The following PCYT1A variants were observed in gnomAD, a reference collection of about 807,000 sequenced individuals.
PCYT1A encodes the protein choline-phosphate cytidylyltransferase A.
PCYT1A carries 25 observed loss-of-function variants against 43.7 expected under a neutral mutation model. That is an observed-to-expected ratio of 0.57 (90% CI 0.42 to 0.80). PCYT1A has a LOEUF of 0.80. PCYT1A is among the 30% of genes least tolerant of loss of function. PCYT1A has a pLI of 0.00. For synonymous variants in PCYT1A, 172 were observed against 170.7 expected (o/e 1.01, Z -0.06); for missense variants, 421 against 474.2 (o/e 0.89, Z 1.04).
chr3:196,263,506 T>C (rs954131484), intron 2 of PCYT1A, among the ~76,000 whole-genome samples: 4 of 152,196 alleles, frequency 2.6e-5, no homozygotes, highest in Non-Finnish European at 5.9e-5. Context: ...CATGAGCCAC[T>C]GTGCTTGGCC....
chr3:196,239,351 A>G (rs1724281112), intron 8 of PCYT1A, among the ~76,000 whole-genome samples, 196 bp downstream of exon 8: 1 of 152,238 alleles, frequency 6.6e-6, no homozygotes, highest in African/African-American at 2.4e-5. Flanking sequence ...AGCTGGCAAA[A>G]TTATCTAGGA....
In PCYT1A at chr3:196,236,857, G is replaced by A. The variant is rs1242776092; in HGVS notation, c.*1831C>T. On this transcript the variant is annotated 3_prime_UTR_variant, in exon 9 of 9. Transcript: ENST00000431016. ...AATTTTTGTATTTTTAGTAGAGATGGGGTTTCACCACGTTGGTCAGGCTGG... is the reference window on the plus strand; with the variant it reads ...AATTTTTGTATTTTTAGTAGAGATGAGGTTTCACCACGTTGGTCAGGCTGG... The A allele has an allele frequency of 6.6e-6, 1 of 152,108 alleles. No homozygotes were observed. 9.4% of individuals were successfully genotyped at this position (152,108 alleles called of 1,614,324 possible).
At chr3:196,280,934 C>T (rs1381632620) in intron 1 of PCYT1A, among the ~76,000 whole-genome samples, 1 of 152,206 alleles carries the variant, frequency 6.6e-6, no homozygotes, top group African/African-American at 2.4e-5. Flanking sequence ...GTTGCAATTA[C>T]ATATGCTATT....
At chr3:196,241,918 A>AGGGAACTCTGGGGTAAGGC (rs1724370381) in intron 7 of PCYT1A, 30 bp downstream of exon 7, 1 of 1,610,606 alleles carries the variant, frequency 6.2e-7, no homozygotes, top group Non-Finnish European at 8.5e-7. Context: ...CTACAGAGTC[A>AGGGAACTCTGGGGTAAGGC]GGGAACTCTG....
chr3:196,269,254 A>G (rs562955174), intron 2 of PCYT1A, among the ~76,000 whole-genome samples: 4 of 152,342 alleles, frequency 2.6e-5, no homozygotes, highest in African/African-American at 9.6e-5. Flanking sequence ...GCACTTGTCT[A>G]TTTGTAGGGT....
At chr3:196,255,908 A>G (rs942932759) in intron 3 of PCYT1A, among the ~76,000 whole-genome samples, 1 of 152,174 alleles carries the variant, frequency 6.6e-6, no homozygotes, top group African/African-American at 2.4e-5. Context: ...CTGAATGTGA[A>G]CCCTGAACTA....
chr3:196,285,413 C>G (rs1456330533), intron 1 of PCYT1A, among the ~76,000 whole-genome samples: 3 of 152,012 alleles, frequency 2.0e-5, no homozygotes, highest in Admixed American at 6.6e-5. Context: ...GAGCTGGGAT[C>G]GTGCCAGCAC....
chr3:196,236,104 C>G lies in PCYT1A; in HGVS notation c.*2584G>C, dbSNP rs959388658. 1 of 152,182 alleles carries G rather than the reference C, an allele frequency of 6.6e-6. No homozygotes were observed. The highest frequency in any genetic ancestry group is 2.4e-5 in the African/African-American group (1 of 41,414). 9.4% of individuals were successfully genotyped at this position (152,182 alleles called of 1,614,324 possible). A position where few individuals can be genotyped will look rare whatever the true frequency, so the allele number is the denominator to read the frequency against. On this transcript the variant is annotated 3_prime_UTR_variant, in exon 9 of 9. Coordinates refer to ENST00000431016, the MANE Select transcript of PCYT1A (RefSeq NM_001312673.2). The stretch of plus-strand genomic sequence containing the variant: ...CTCAGAGGCCTGTCAGCCTGCAGGT[C>G]CCGTTCCAAGCACAGGGCATGCCAA...
chr3:196,248,310 C>G lies in PCYT1A; in HGVS notation c.231G>C (p.Val77=), dbSNP rs1724633945. The G allele has an allele frequency of 1.2e-6, 2 of 1,602,748 alleles. No homozygotes were observed. Among genetic ancestry groups the G allele is most frequent in the African/African-American group, 2.7e-5 (2 of 74,804 alleles). ...ASRGTPCERP[V]RVYADGIFDL... is the part of the protein sequence containing the mutation. ...CAAATATTCCATCGGCATAAACTCT[C>G]ACAGGTCGCTCACCTAAATCCAAAT... Residue 77 remains valine (V), a synonymous_variant, in exon 4 of 9, where the codon GTG becomes GTC. Transcript: ENST00000431016.
rs565970744 is a variant in PCYT1A at position 196,248,871 on chromosome 3, C to A, written c.218-548G>T. On this transcript the variant is annotated intron_variant, in intron 3 of 8. Coordinates refer to ENST00000431016, the MANE Select transcript of PCYT1A (RefSeq NM_001312673.2). ...TCCCGGATTCAAGCGACTCTCCTGC[C>A]TCCGCCTCCTGAGTAGCTGGAACTA... Among the ~76,000 whole-genome samples, 11 of 152,198 alleles carry A rather than the reference C, an allele frequency of 7.2e-5. No individual in the cohort carries two copies. In the South Asian group the frequency reaches 1.2e-3, roughly 17 times the overall value.
chr3:196,244,498 AC>A (rs1167919821), intron 5 of PCYT1A, among the ~76,000 whole-genome samples: 44 of 141,378 alleles, frequency 3.1e-4, no homozygotes, highest in African/African-American at 1.1e-3. Flanking sequence ...CCCGGCAGCC[AC>A]CCCGTCCGGG....
At chr3:196,254,105 C>T (rs960024549) in intron 3 of PCYT1A, among the ~76,000 whole-genome samples, 4 of 150,796 alleles carry the variant, frequency 2.7e-5, no homozygotes, top group African/African-American at 7.3e-5. Context: ...AGGCTCACTG[C>T]AACCTCTGCC....
At position 196,247,175 on chromosome 3, in the gene PCYT1A, G is replaced by GCAAA. The variant is rs1287130526; in HGVS notation, c.486+188_486+191dup. ...GAATAGAATGGATGTAAAAGTGCTT[G>GCAAA]CAAACCATCCAGCCCCATATAAACG... On this transcript the variant is annotated intron_variant, in intron 5 of 8. Coordinates refer to ENST00000431016, the MANE Select transcript of PCYT1A (RefSeq NM_001312673.2). The surrounding 1 kb of genome is among the most constrained non-coding windows in gnomAD (Gnocchi z 4.8). 2.0e-4 allele frequency among the ~76,000 whole-genome samples: 31 copies of GCAAA among 152,228 alleles called. No individual in the cohort carries two copies. Among genetic ancestry groups the GCAAA allele is most frequent in the Non-Finnish European group, 4.4e-5 (3 of 68,040 alleles).
intron 1 of PCYT1A, among the ~76,000 whole-genome samples, chr3:196,272,377 G>C (rs899146292): frequency 6.6e-6 from 1 of 152,120 alleles, no homozygotes; most frequent in African/African-American, 2.4e-5. Context: ...GTAGAGACAG[G>C]GTTTCCCTAT....
At chr3:196,244,399 G>C (rs1275091159) in intron 5 of PCYT1A, among the ~76,000 whole-genome samples, 3 of 150,256 alleles carry the variant, frequency 2.0e-5, no homozygotes, top group Non-Finnish European at 4.4e-5. Flanking sequence ...TGAGATGTGG[G>C]GAGCGCCACT....
Position 196,252,140 on chromosome 3 carries a change from T to TGGCTACAGC in PCYT1A, c.218-3818_218-3817insGCTGTAGCC. The stretch of plus-strand genomic sequence containing the variant: ...CCCCGCCACGCCCCACTGGCTACAG[T>TGGCTACAGC]GCACACCGCCACGCCCCACTGGCTA... On this transcript the variant is annotated intron_variant, in intron 3 of 8. Coordinates refer to ENST00000431016, the MANE Select transcript of PCYT1A (RefSeq NM_001312673.2). The surrounding 1 kb of genome is among the most constrained non-coding windows in gnomAD (Gnocchi z 4.0). Among the ~76,000 whole-genome samples the TGGCTACAGC allele has an allele frequency of 6.6e-6, 1 of 151,114 alleles. No homozygotes were observed. The highest frequency in any genetic ancestry group is 2.4e-5 in the African/African-American group (1 of 41,244).
intron 1 of PCYT1A, among the ~76,000 whole-genome samples, chr3:196,274,736 G>C (rs1019655577): frequency 2.0e-5 from 3 of 152,094 alleles, no homozygotes; most frequent in Admixed American, 2.0e-4. Flanking sequence ...GCTCAACTCC[G>C]AGTGGCAATA....
chr3:196,271,165 C>T (rs190839285), intron 1 of PCYT1A, among the ~76,000 whole-genome samples: 7 of 151,406 alleles, frequency 4.6e-5, no homozygotes, highest in African/African-American at 7.3e-5. Context: ...GTTGGGACTA[C>T]AGGCACATGC....
In PCYT1A at chr3:196,270,417, C is replaced by G. The variant is rs1227619597; in HGVS notation, c.115G>C (p.Val39Leu). The change falls in exon 2 of 9, where the codon GTG becomes CTG. Residue 39 changes from valine to leucine, a missense_variant and splice_region_variant. Physicochemically the swap from Val to Leu is conservative, Grantham distance 32 (BLOSUM62 1). Transcript: ENST00000431016. ...CTGCCAGGTTAATCTCCACTTACCA[C>G]TGCACAGCGCTGCACTTTGGAAGGA... Reference protein sequence around the residue: ...GVPSKVQRCAVGLRQPAPFSD... With the variant: ...GVPSKVQRCALGLRQPAPFSD... 2 of 1,607,394 alleles carry G rather than the reference C, an allele frequency of 1.2e-6. No homozygotes were observed. Among genetic ancestry groups the G allele is most frequent in the Non-Finnish European group, 1.7e-6 (2 of 1,173,816 alleles).
Sources: allele counts gnomAD v4.1 joint callset (sites outside exome capture counted in the v4.1 genomes callset), GRCh38; gene constraint gnomAD v4.1.1; non-coding constraint Gnocchi (gnomAD v3.1); transcripts MANE v1.5; gene names NCBI Gene and HGNC (gene_info 2026-07-23, HGNC 2026-07-21).